RNMT: variants seen among roughly 807,000 people sequenced by gnomAD.
RNMT encodes mRNA cap guanine-N(7) methyltransferase.
RNMT carries 27 observed loss-of-function variants against 56.0 expected under a neutral mutation model. That is an observed-to-expected ratio of 0.48 (90% CI 0.36 to 0.67). RNMT has a LOEUF of 0.67. RNMT is among the 30% of genes least tolerant of loss of function. RNMT has a pLI of 0.00. For synonymous variants in RNMT, 184 were observed against 176.2 expected, an observed-to-expected ratio of 1.04 and a Z score of -0.35; for missense variants, 519 against 552.1, an observed-to-expected ratio of 0.94 and a Z score of 0.60.
Position 13,760,066 on chromosome 18 carries a change from CTGTT to C in RNMT, c.*88_*91del. On this transcript the variant is annotated 3_prime_UTR_variant, in exon 12 of 12. Coordinates refer to ENST00000383314, the MANE Select transcript of RNMT (RefSeq NM_003799.3). The stretch of plus-strand genomic sequence containing the variant: ...CTCGATATATTTGATATTTCTCTGT[CTGTT>C]GATTTTAATTCTAAATGTGCAGGAT... The C allele has an allele frequency of 6.5e-7, 1 of 1,535,740 alleles. No homozygotes were observed. The highest frequency in any genetic ancestry group is 1.3e-5 in the South Asian group (1 of 77,868).
At chr18:13,742,708 C>T (rs901203853) in intron 8 of RNMT, 56 bp downstream of exon 8, 31 of 1,275,760 alleles carry the variant, frequency 2.4e-5, no homozygotes, top group African/African-American at 2.3e-4. Context: ...GAAAGAAAAG[C>T]GGGGAAAAGC....
intron 8 of RNMT, among the ~76,000 whole-genome samples, chr18:13,743,353 T>TAAATA (rs2044290590): frequency 6.8e-6 from 1 of 147,720 alleles, no homozygotes; most frequent in Non-Finnish European, 1.5e-5. Flanking sequence ...AATAAATAAA[T>TAAATA]AAATAAATAA....
At chr18:13,729,454 T>G (rs1184871132) in intron 1 of RNMT, among the ~76,000 whole-genome samples, 1 of 152,250 alleles carries the variant, frequency 6.6e-6, no homozygotes, top group African/African-American at 2.4e-5. Context: ...TTTATTTGAA[T>G]TTAAAGCCAA....
Position 13,741,532 on chromosome 18 carries a change from G to A in RNMT, c.815G>A (p.Arg272His), listed in dbSNP as rs576605287. 8.7e-6 allele frequency: 14 copies of A among 1,610,982 alleles called. No individual in the cohort carries two copies. The East Asian group carries it at 1.1e-4, about 13-fold the overall frequency. Residue 272 changes from arginine to histidine, a missense_variant, in exon 7 of 12, where the codon CGT (arginine) becomes CAT (histidine). Arg to His is a conservative substitution (Grantham distance 29). Coordinates refer to ENST00000383314, the MANE Select transcript of RNMT (RefSeq NM_003799.3). ...SSKELLIDKFRDPQMCFDICS... is the reference protein window; with the variant it reads ...SSKELLIDKFHDPQMCFDICS... ...CAGGAACTTCTGATTGACAAATTTCGTGACCCACAAATGTGTTTTGACATC... is the reference window on the plus strand; with the variant it reads ...CAGGAACTTCTGATTGACAAATTTCATGACCCACAAATGTGTTTTGACATC...
chr18:13,743,330 A>T (rs1353129780), intron 8 of RNMT, among the ~76,000 whole-genome samples: 1 of 17,322 alleles, frequency 5.8e-5, no homozygotes, highest in Non-Finnish European at 1.4e-4. Context: ...CTCAAAAAAA[A>T]AATAAATAAA....
At position 13,761,866 on chromosome 18, in the gene RNMT, C is replaced by A; in HGVS notation, c.*1887C>A. ...ACACCCCCCTCCCCCCGGCCCCAAG[C>A]CCCTGTGTCTCCTTGTTACAATTAA... On this transcript the variant is annotated 3_prime_UTR_variant, in exon 12 of 12. Coordinates refer to ENST00000383314, the MANE Select transcript of RNMT (RefSeq NM_003799.3). The A allele has an allele frequency of 1.7e-6, 2 of 1,170,968 alleles. No homozygotes were observed. Among genetic ancestry groups the A allele is most frequent in the Non-Finnish European group, 2.1e-6 (2 of 946,426 alleles). 72.5% of individuals were successfully genotyped at this position (1,170,968 alleles called of 1,614,324 possible). A position where few individuals can be genotyped will look rare whatever the true frequency, so the allele number is the denominator to read the frequency against.
At chr18:13,751,492 A>C (rs892330415) in intron 9 of RNMT, among the ~76,000 whole-genome samples, 1 of 152,238 alleles carries the variant, frequency 6.6e-6, no homozygotes, top group African/African-American at 2.4e-5. Flanking sequence ...GATGTGGAGA[A>C]ATAGGAACGC....
In RNMT at chr18:13,760,765, A is replaced by C. The variant is rs2044609083; in HGVS notation, c.*786A>C. ...TAGTGAAAATCCCTCCCATGTAGAC[A>C]TGTTGCACATTTTTTCCAAATTTAT... On this transcript the variant is annotated 3_prime_UTR_variant, in exon 12 of 12. Coordinates refer to ENST00000383314, the MANE Select transcript of RNMT (RefSeq NM_003799.3). The C allele has an allele frequency of 1.0e-6, 1 of 985,298 alleles. No individual in the cohort carries two copies. Among genetic ancestry groups the C allele is most frequent in the South Asian group, 4.7e-5 (1 of 21,294 alleles). The allele number at this position is 985,298 out of a possible 1,614,324, so 61.0% of individuals were successfully genotyped here. A position where few individuals can be genotyped will look rare whatever the true frequency, so the allele number is the denominator to read the frequency against.
intron 7 of RNMT, 144 bp from the exon 8 acceptor site, chr18:13,742,344 A>C (rs974453034): frequency 7.5e-6 from 5 of 664,542 alleles, no homozygotes; most frequent in Non-Finnish European, 1.2e-5. Context: ...CTTTAAAAAA[A>C]AAAAAAAAAG....
rs565764974 is a variant in RNMT, at chr18:13,746,443, C to T, written c.1257+106C>T. 7.4e-5 allele frequency: 54 copies of T among 731,792 alleles called. No homozygotes were observed. In the East Asian group the frequency reaches 8.4e-4, roughly 11 times the overall value. The allele number at this position is 731,792 out of a possible 1,614,324, so 45.3% of individuals were successfully genotyped here. On this transcript the variant is annotated intron_variant, in intron 9 of 11. Coordinates refer to ENST00000383314, the MANE Select transcript of RNMT (RefSeq NM_003799.3). ...GAACATGAAATAGTTATGTGTATTACGCTCTTCAGCACCTAGGACGGAGCT... is the reference window on the plus strand; with the variant it reads ...GAACATGAAATAGTTATGTGTATTATGCTCTTCAGCACCTAGGACGGAGCT...
chr18:13,737,657 A>T (rs2044184887), intron 5 of RNMT, among the ~76,000 whole-genome samples: 1 of 152,160 alleles, frequency 6.6e-6, no homozygotes, highest in Admixed American at 6.5e-5. Flanking sequence ...GGTCGGAGTC[A>T]TGTCTAAAGG....
chr18:13,755,950 C>T (rs564036232), intron 11 of RNMT, among the ~76,000 whole-genome samples: 1 of 152,302 alleles, frequency 6.6e-6, no homozygotes, highest in South Asian at 2.1e-4. Context: ...GCTGGACATG[C>T]GAAGAGAGCA....
intron 7 of RNMT, 39 bp from the exon 8 acceptor site, chr18:13,742,449 T>G: frequency 1.9e-6 from 3 of 1,595,208 alleles, no homozygotes; most frequent in Non-Finnish European, 2.6e-6. Context: ...TAATCACAAT[T>G]TTAATCTTTT....
chr18:13,751,879 A>G (rs1054157460), intron 9 of RNMT, among the ~76,000 whole-genome samples: 3 of 152,072 alleles, frequency 2.0e-5, no homozygotes, highest in Admixed American at 6.5e-5. Flanking sequence ...CAGAAAACCA[A>G]CCACCACATG....
chr18:13,734,242 G>A (rs956087340), intron 3 of RNMT, among the ~76,000 whole-genome samples: 4 of 152,180 alleles, frequency 2.6e-5, no homozygotes, highest in African/African-American at 9.7e-5. Flanking sequence ...CCAGTCTCCG[G>A]TACGTCTTTA....
At chr18:13,744,159 CTTTTT>C (rs201093998) in intron 8 of RNMT, among the ~76,000 whole-genome samples, 1,450 of 91,356 alleles carry the variant, frequency 0.016, 23 homozygotes, top group African/African-American at 0.068. Context: ...TAGCGGTCTT[CTTTTT>C]TTTTTTTTTT....
At chr18:13,744,159 CTTTTTTTTTTTTTT>C (rs201093998) in intron 8 of RNMT, among the ~76,000 whole-genome samples, 47,108 of 92,324 alleles carry the variant, frequency 0.51, 11,605 homozygotes, top group East Asian at 0.84. Context: ...TAGCGGTCTT[CTTTTTTTTTTTTTT>C]TTTTTTTTTT....
chr18:13,762,709 A>G lies in RNMT; in HGVS notation c.*2730A>G, dbSNP rs1442248015. ...CAGAGTTGGGAGTATATTGGTCAGG[A>G]TCATAGAAAAGAAGACAAAGCTTGC... On this transcript the variant is annotated 3_prime_UTR_variant, in exon 12 of 12. Coordinates refer to ENST00000383314, the MANE Select transcript of RNMT (RefSeq NM_003799.3). 1 of 256,140 alleles carries G rather than the reference A, an allele frequency of 3.9e-6. No homozygotes were observed. Among genetic ancestry groups the G allele is most frequent in the Admixed American group, 4.6e-5 (1 of 21,628 alleles). 15.9% of individuals were successfully genotyped at this position (256,140 alleles called of 1,614,324 possible). A position where few individuals can be genotyped will look rare whatever the true frequency, so the allele number is the denominator to read the frequency against.
intron 9 of RNMT, among the ~76,000 whole-genome samples, chr18:13,747,313 C>A (rs2044368767): frequency 6.6e-6 from 1 of 151,188 alleles, no homozygotes; most frequent in African/African-American, 2.4e-5. Context: ...CCTTCACCTT[C>A]TGGAAGGTGA....
Sources: allele counts gnomAD v4.1 joint callset (sites outside exome capture counted in the v4.1 genomes callset), GRCh38; gene constraint gnomAD v4.1.1; transcripts MANE v1.5; gene names NCBI Gene and HGNC (gene_info 2026-07-23, HGNC 2026-07-21).